KCTD1: variants seen among roughly 807,000 people sequenced by gnomAD.
KCTD1 encodes BTB/POZ domain-containing protein KCTD1.
KCTD1 carries 24 observed loss-of-function variants against 66.0 expected under a neutral mutation model. The observed-to-expected ratio is 0.36, with a 90% CI of 0.26 to 0.51. KCTD1 has a LOEUF of 0.51. Ranked by LOEUF, KCTD1 falls within the 20% of genes least tolerant of loss-of-function variation. The pLI is 0.95. For missense variants in KCTD1, 943 were observed against 1,205.2 expected (o/e 0.78, Z 3.22); for synonymous variants, 511 against 517.2 (o/e 0.99, Z 0.16).
chr18:26,489,413 C>T (rs1481839929), intron 2 of KCTD1, among the ~76,000 whole-genome samples: 1 of 152,080 alleles, frequency 6.6e-6, no homozygotes, highest in Non-Finnish European at 1.5e-5. Context: ...TCTGATACTA[C>T]TCATAGGAAG....
chr18:26,481,661 C>T (rs1981654624), intron 2 of KCTD1, among the ~76,000 whole-genome samples: 1 of 152,220 alleles, frequency 6.6e-6, no homozygotes, highest in Admixed American at 6.5e-5. Context: ...CACGCCTTCT[C>T]ACAGACACAG....
At chr18:26,518,804 A>C (rs1054369549) in intron 1 of KCTD1, among the ~76,000 whole-genome samples, 1 of 152,050 alleles carries the variant, frequency 6.6e-6, no homozygotes, top group African/African-American at 2.4e-5. Flanking sequence ...CAGCCTCCCA[A>C]AGTGTTAGGA....
chr18:26,501,676 T>C (rs186414684), intron 1 of KCTD1, among the ~76,000 whole-genome samples: 1 of 152,334 alleles, frequency 6.6e-6, no homozygotes, highest in East Asian at 1.9e-4. Flanking sequence ...CTCATTGCTA[T>C]GCACTTGGAA....
At position 26,608,068 on chromosome 18, in the gene KCTD1, G is replaced by C. The variant is rs1026977720; in HGVS notation, c.-16+21079C>G. Among the ~76,000 whole-genome samples, 8 of 152,270 alleles carry C rather than the reference G, an allele frequency of 5.3e-5. No homozygotes were observed. The East Asian group carries it at 1.5e-3, about 29-fold the overall frequency. ...TTACAGGTGTGAGCCACTGCACCTG[G>C]TCTCAAATTCTTAAAGTTTCTCAAT... On this transcript the variant is annotated intron_variant, in intron 1 of 4. Coordinates refer to the KCTD1 transcript ENST00000317932.
intron 1 of KCTD1, among the ~76,000 whole-genome samples, chr18:26,501,952 G>A (rs1233467158): frequency 6.6e-6 from 1 of 152,282 alleles, no homozygotes; most frequent in Non-Finnish European, 1.5e-5. Context: ...TGAGGCAGAT[G>A]CTGATGTGCG....
chr18:26,553,097 C>G (rs527448425), upstream of KCTD1, among the ~76,000 whole-genome samples: 3 of 150,980 alleles, frequency 2.0e-5, no homozygotes, highest in Non-Finnish European at 4.4e-5. Context: ...CTCAAGTGAT[C>G]CTCCCATCTC....
rs950145971 is a variant in KCTD1 at position 26,465,805 on chromosome 18, G to A, written c.2134-5880C>T. 8.5e-5 allele frequency among the ~76,000 whole-genome samples: 13 copies of A among 152,198 alleles called. 1 individual carries two copies. The highest frequency in any genetic ancestry group is 2.9e-5 in the Non-Finnish European group (2 of 68,028). The stretch of plus-strand genomic sequence containing the variant: ...GAGGGAGGGGGCCAGAGACACCATC[G>A]GAGATGGTGCCGGGGTGGGGCTGGC... On this transcript the variant is annotated intron_variant, in intron 3 of 4. Transcript: ENST00000580059.
At chr18:26,477,127 T>C (rs917346539) in intron 2 of KCTD1, among the ~76,000 whole-genome samples, 2 of 152,260 alleles carry the variant, frequency 1.3e-5, no homozygotes, top group Non-Finnish European at 2.9e-5. Flanking sequence ...GCAAAGCCTA[T>C]ATGTTGACAT....
chr18:26,567,123 A>C (rs1379047904), intron 1 of KCTD1: 1 of 152,164 alleles, frequency 6.6e-6, no homozygotes, highest in Non-Finnish European at 1.5e-5. Flanking sequence ...GATACTGCCC[A>C]GTCTTCCCTT....
At chr18:26,554,118 AAGAAAAG>A (rs1442450535) in intron 1 of KCTD1, among the ~76,000 whole-genome samples, 1 of 137,558 alleles carries the variant, frequency 7.3e-6, no homozygotes, top group Non-Finnish European at 1.6e-5. Context: ...GAGGGAAAGA[AAGAAAAG>A]AGAAAGAAAG....
chr18:26,457,056 A>G (rs1399684603), intron 4 of KCTD1: 1 of 151,588 alleles, frequency 6.6e-6, no homozygotes, highest in Non-Finnish European at 1.5e-5. Flanking sequence ...ACTTCAATAT[A>G]GAATATAGTC....
chr18:26,640,758 G>C (rs1056065562), upstream of KCTD1, among the ~76,000 whole-genome samples: 3 of 152,120 alleles, frequency 2.0e-5, no homozygotes, highest in African/African-American at 7.2e-5. Context: ...GGTGTGCACT[G>C]GGCAGGTAGA....
In KCTD1 at chr18:26,579,223, G is replaced by C. The variant is rs539974843; in HGVS notation, c.-16+49924C>G. On this transcript the variant is annotated intron_variant, in intron 1 of 4. Coordinates refer to the KCTD1 transcript ENST00000317932. ...TTGGATCTTTTTAATACCTCCAGTAGAAAATAAGTTAATTTTATACAGTGT... is the reference window on the plus strand; with the variant it reads ...TTGGATCTTTTTAATACCTCCAGTACAAAATAAGTTAATTTTATACAGTGT... Among the ~76,000 whole-genome samples the C allele has an allele frequency of 3.3e-5, 5 of 151,918 alleles. No individual in the cohort carries two copies. The South Asian group carries it at 6.3e-4, about 19-fold the overall frequency.
At chr18:26,588,120 T>C (rs1005071581) in intron 1 of KCTD1, among the ~76,000 whole-genome samples, 23 of 152,188 alleles carry the variant, frequency 1.5e-4, no homozygotes, top group Non-Finnish European at 1.6e-4. Context: ...GCAAAATTCA[T>C]ACTTGTCTCA....
intron 1 of KCTD1, among the ~76,000 whole-genome samples, chr18:26,647,246 C>A (rs928051532): frequency 2.0e-5 from 3 of 151,966 alleles, no homozygotes; most frequent in African/African-American, 7.3e-5. Flanking sequence ...CGGTGGCTCA[C>A]GCCTGTAACC....
intron 1 of KCTD1, among the ~76,000 whole-genome samples, chr18:26,623,712 G>A (rs1229076515): frequency 6.6e-6 from 1 of 152,150 alleles, no homozygotes; most frequent in Non-Finnish European, 1.5e-5. Context: ...GAGTAAATTG[G>A]TACCAGTAGA....
rs150419024 is a variant in KCTD1 at position 26,590,575 on chromosome 18, A to G, written c.-16+38572T>C. Reference sequence around the variant, plus strand: ...TTTAGCAAGGCTTCTCTTAGAAAATATAAACTTAACCAGGCCTTCTTTTCT... The same window carrying G: ...TTTAGCAAGGCTTCTCTTAGAAAATGTAAACTTAACCAGGCCTTCTTTTCT... On this transcript the variant is annotated intron_variant, in intron 1 of 4. Transcript: ENST00000317932. Among the ~76,000 whole-genome samples, 1,193 of 152,250 alleles carry G rather than the reference A, an allele frequency of 7.8e-3. 4 individuals carry two copies. Among genetic ancestry groups the G allele is most frequent in the Middle Eastern group, 0.01 (3 of 294 alleles).
chr18:26,551,218 A>G (rs1041961595), upstream of KCTD1, among the ~76,000 whole-genome samples: 2 of 152,226 alleles, frequency 1.3e-5, no homozygotes, highest in Non-Finnish European at 2.9e-5. Context: ...ACGTCAACTT[A>G]TTTCCAGAAA....
chr18:26,631,403 G>A (rs1987614774), upstream of KCTD1, among the ~76,000 whole-genome samples: 1 of 152,162 alleles, frequency 6.6e-6, no homozygotes, highest in Non-Finnish European at 1.5e-5. Context: ...AACCTGTACA[G>A]CATGTTACCG....
Sources: gnomAD v4.1 joint callset for allele counts (sites outside exome capture counted in the v4.1 genomes callset) on GRCh38, gnomAD v4.1.1 for gene constraint, MANE v1.5 for transcripts, NCBI Gene and HGNC (gene_info 2026-07-23, HGNC 2026-07-21) for gene names.